The following PHACTR1 variants were observed in gnomAD, a reference collection of about 807,000 sequenced individuals.
PHACTR1 encodes the protein phosphatase and actin regulator 1.
In PHACTR1, 16 loss-of-function variants were observed where a neutral mutation model predicts 69.2. The ratio of observed to expected loss-of-function variants is 0.23; its 90% CI spans 0.16 to 0.35. PHACTR1 has a LOEUF of 0.35. PHACTR1 is among the 10% of genes least tolerant of loss of function. The probability of loss-of-function intolerance (pLI) is 1.00; values close to 1 mark genes in which losing one functional copy is unlikely to be tolerated. For synonymous variants in PHACTR1, 312 were observed against 284.5 expected (o/e 1.10, Z -0.97); for missense variants, 510 against 734.7 (o/e 0.69, Z 3.54).
rs930988375 is a variant in PHACTR1, at chr6:12,957,879, C to G, written c.251-95486C>G. 1.0e-5 allele frequency: 10 copies of G among 985,286 alleles called. No homozygotes were observed. The African/African-American group carries it at 1.7e-4, about 17-fold the overall frequency. The allele number at this position is 985,286 out of a possible 1,614,324, so 61.0% of individuals were successfully genotyped here. The stretch of plus-strand genomic sequence containing the variant: ...GGAAGGCGAAGGGGCTGCCTGGCAC[C>G]GAGAGGCTGCATGGGCGTGTGTAGC... On this transcript the variant is annotated intron_variant, in intron 4 of 14. Transcript: ENST00000332995.
rs114091961 is a variant in PHACTR1 at position 13,079,201 on chromosome 6, A to C, written c.415+25672A>C. ...TCTTCCTCATGAAGAGGCAATGCCA[A>C]CTCATGGAGACACAGGCCTTACTGC... is the stretch of plus-strand genomic sequence containing the variant. On this transcript the variant is annotated intron_variant, in intron 5 of 14. Transcript: ENST00000332995. Among the ~76,000 whole-genome samples, 165 of 152,210 alleles carry C rather than the reference A, an allele frequency of 1.1e-3. 3 individuals are homozygous for C. The East Asian group carries it at 0.017, about 15-fold the overall frequency.
intron 10 of PHACTR1, among the ~76,000 whole-genome samples, chr6:13,249,521 G>A (rs550845770): frequency 3.9e-5 from 6 of 152,270 alleles, no homozygotes; most frequent in East Asian, 3.9e-4. Context: ...TGATTAAGCC[G>A]GGCGTGGTGG....
intron 4 of PHACTR1, among the ~76,000 whole-genome samples, chr6:13,011,795 G>A (rs1799480208): frequency 6.6e-6 from 1 of 152,162 alleles, no homozygotes. Context: ...GGGAGTTAAG[G>A]GGTGATAGTT....
chr6:12,836,470 A>G (rs1446272992), intron 4 of PHACTR1, among the ~76,000 whole-genome samples: 2 of 152,194 alleles, frequency 1.3e-5, no homozygotes. Context: ...CAATAGCACA[A>G]AGGATACTAG....
At position 13,206,206 on chromosome 6, in the gene PHACTR1, G is replaced by T. The variant is rs557890717; in HGVS notation, c.986+70G>T. 12 of 1,405,956 alleles carry T rather than the reference G, an allele frequency of 8.5e-6. No homozygotes were observed. The East Asian group carries it at 3.0e-4, about 35-fold the overall frequency. The allele number at this position is 1,405,956 out of a possible 1,614,324, so 87.1% of individuals were successfully genotyped here. A position where few individuals can be genotyped will look rare whatever the true frequency, so the allele number is the denominator to read the frequency against. ...CTGGGGAGGGGGGCCTAGGGATTTG[G>T]ACCATGACTTAGGAATGTGAACAAG... On this transcript the variant is annotated intron_variant, in intron 8 of 14. Coordinates refer to ENST00000332995, the MANE Select transcript of PHACTR1 (RefSeq NM_030948.6).
At chr6:13,014,858 G>T (rs1561691284) in intron 4 of PHACTR1, among the ~76,000 whole-genome samples, 1 of 152,206 alleles carries the variant, frequency 6.6e-6, no homozygotes, top group Non-Finnish European at 1.5e-5. Flanking sequence ...GGCAGGAGGA[G>T]CCCAGAGCGA....
At chr6:13,190,199 T>TTTTTTTTTTTTTC (rs1554151109) in intron 7 of PHACTR1, among the ~76,000 whole-genome samples, 1 of 42,404 alleles carries the variant, frequency 2.4e-5, no homozygotes, top group Non-Finnish European at 4.8e-5. Flanking sequence ...AATTTTTGTA[T>TTTTTTTTTTTTTC]TTTTTTTTTT....
At chr6:12,764,314 T>C (rs1333321369) in intron 4 of PHACTR1, among the ~76,000 whole-genome samples, 2 of 152,224 alleles carry the variant, frequency 1.3e-5, no homozygotes, top group African/African-American at 4.8e-5. Flanking sequence ...TGCAATTTTC[T>C]TTCTAGTTGC....
chr6:12,875,833 C>T (rs1782476515), intron 4 of PHACTR1, among the ~76,000 whole-genome samples: 1 of 152,120 alleles, frequency 6.6e-6, no homozygotes, highest in Admixed American at 6.5e-5. Flanking sequence ...TGTGACAACA[C>T]ATGCCTTCTG....
chr6:12,751,005 C>T (rs557074727), intron 4 of PHACTR1, among the ~76,000 whole-genome samples: 2 of 152,260 alleles, frequency 1.3e-5, no homozygotes, highest in East Asian at 3.9e-4. Context: ...CGCGTGCGTG[C>T]GCGTGCATGG....
chr6:13,065,422 C>A (rs1400935963), intron 5 of PHACTR1, among the ~76,000 whole-genome samples: 1 of 151,680 alleles, frequency 6.6e-6, no homozygotes, highest in African/African-American at 2.4e-5. Flanking sequence ...AAAGAAGAGT[C>A]CACCCTGGCA....
intron 4 of PHACTR1, among the ~76,000 whole-genome samples, chr6:13,019,433 C>T (rs1037395176): frequency 1.3e-5 from 2 of 152,210 alleles, no homozygotes; most frequent in South Asian, 2.1e-4. Flanking sequence ...CATAGCTCAA[C>T]AAAGGATGTT....
At chr6:13,151,677 T>A (rs1363709794) in intron 5 of PHACTR1, among the ~76,000 whole-genome samples, 1 of 152,114 alleles carries the variant, frequency 6.6e-6, no homozygotes, top group Non-Finnish European at 1.5e-5. Context: ...TTTGATAAGT[T>A]AGAGGAAGAA....
At chr6:12,740,800 A>C (rs1764932367) in intron 3 of PHACTR1, among the ~76,000 whole-genome samples, 1 of 151,888 alleles carries the variant, frequency 6.6e-6, no homozygotes, top group South Asian at 2.1e-4. Flanking sequence ...GATGCTTGTA[A>C]TATTCTCTTA....
At chr6:12,970,623 G>A (rs930813131) in intron 4 of PHACTR1, among the ~76,000 whole-genome samples, 1 of 152,164 alleles carries the variant, frequency 6.6e-6, no homozygotes, top group Non-Finnish European at 1.5e-5. Flanking sequence ...AGGCGTGGTG[G>A]TGTGTGCCTG....
intron 4 of PHACTR1, among the ~76,000 whole-genome samples, chr6:12,874,840 A>G (rs1782384636): frequency 6.6e-6 from 1 of 152,158 alleles, no homozygotes. Flanking sequence ...ATGACTTAAC[A>G]TATGCTTTGC....
chr6:12,846,959 G>A (rs772716962), intron 4 of PHACTR1, among the ~76,000 whole-genome samples: 3 of 150,902 alleles, frequency 2.0e-5, no homozygotes, highest in Non-Finnish European at 4.4e-5. Flanking sequence ...TAGGACACAC[G>A]CCACACACCC....
At chr6:13,064,554 A>G (rs1326058978) in intron 5 of PHACTR1, among the ~76,000 whole-genome samples, 2 of 2,156 alleles carry the variant, frequency 9.3e-4, no homozygotes, top group Non-Finnish European at 3.6e-3. Flanking sequence ...AAAGATATAT[A>G]TATATATATA....
chr6:12,922,865 G>A (rs1240228431), intron 4 of PHACTR1, among the ~76,000 whole-genome samples: 1 of 152,102 alleles, frequency 6.6e-6, no homozygotes, highest in Non-Finnish European at 1.5e-5. Flanking sequence ...TTTGGAGTCA[G>A]GGTACAGGAA....
Sources: gnomAD v4.1 joint callset for allele counts (sites outside exome capture counted in the v4.1 genomes callset) on GRCh38, gnomAD v4.1.1 for gene constraint, MANE v1.5 for transcripts, NCBI Gene and HGNC (gene_info 2026-07-23, HGNC 2026-07-21) for gene names.